CLDN10: variants seen among roughly 807,000 people sequenced by gnomAD.
CLDN10 encodes the protein claudin 10.
CLDN10 carries 15 observed loss-of-function variants against 22.9 expected under a neutral mutation model. That is an observed-to-expected ratio of 0.65 (90% CI 0.44 to 1.01). The LOEUF is 1.01. Ranked by LOEUF, CLDN10 falls within the 50% of genes least tolerant of loss-of-function variation. The pLI is 0.00. For missense variants in CLDN10, 247 were observed against 287.8 expected (o/e 0.86, Z 1.03); for synonymous variants, 114 against 111.4 (o/e 1.02, Z -0.15).
chr13:95,551,525 TA>T (rs35829461), upstream of CLDN10, among the ~76,000 whole-genome samples: 665 of 145,802 alleles, frequency 4.6e-3, 2 homozygotes, highest in Middle Eastern at 0.014. Context: ...CCCATTTGGT[TA>T]AAAAAAAAAA....
chr13:95,504,974 T>A (rs2043023262), intron 1 of CLDN10, among the ~76,000 whole-genome samples: 1 of 152,220 alleles, frequency 6.6e-6, no homozygotes, highest in South Asian at 2.1e-4. Flanking sequence ...ACCTTGAGCT[T>A]TAACCCTGCT....
chr13:95,475,622 TG>T lies in CLDN10; in HGVS notation c.214+41576del, dbSNP rs1400161383. 4.6e-5 allele frequency among the ~76,000 whole-genome samples: 7 copies of T among 152,254 alleles called. No homozygotes were observed. In the East Asian group the frequency reaches 1.4e-3, roughly 29 times the overall value. On this transcript the variant is annotated intron_variant, in intron 1 of 4. Coordinates refer to the CLDN10 transcript ENST00000376873. ...GCCCCAATGGCCTCTGGGCCCCTGG[TG>T]AGGGTGACTGGCTTGGAGCTCCAGG...
At chr13:95,456,442 T>A (rs914457594) in intron 1 of CLDN10, among the ~76,000 whole-genome samples, 6 of 152,116 alleles carry the variant, frequency 3.9e-5, no homozygotes, top group Non-Finnish European at 8.8e-5. Context: ...TATTCAAATA[T>A]GTATTTATTC....
At chr13:95,488,950 C>T (rs982728869) in intron 1 of CLDN10, among the ~76,000 whole-genome samples, 8 of 110,710 alleles carry the variant, frequency 7.2e-5, no homozygotes, top group East Asian at 2.6e-4. Context: ...ACTTTTTGTT[C>T]TTTTTTTTTT....
At chr13:95,516,284 A>G (rs1315725826) in intron 1 of CLDN10, among the ~76,000 whole-genome samples, 2 of 152,166 alleles carry the variant, frequency 1.3e-5, no homozygotes, top group Non-Finnish European at 2.9e-5. Flanking sequence ...TACATCCTAC[A>G]CCTTCAGGCA....
intron 1 of CLDN10, among the ~76,000 whole-genome samples, chr13:95,556,524 G>A (rs575084345): frequency 3.9e-5 from 6 of 152,188 alleles, no homozygotes; most frequent in Admixed American, 1.3e-4. Flanking sequence ...ATAATATGAC[G>A]GGATGCTTTG....
chr13:95,540,754 A>G (rs1402708925), intron 1 of CLDN10, among the ~76,000 whole-genome samples: 1 of 152,220 alleles, frequency 6.6e-6, no homozygotes, highest in Non-Finnish European at 1.5e-5. Context: ...TAGCTTGAGT[A>G]ATTGATATAG....
intron 1 of CLDN10, among the ~76,000 whole-genome samples, chr13:95,478,301 C>G (rs778662074): frequency 6.6e-6 from 1 of 152,098 alleles, no homozygotes; most frequent in Non-Finnish European, 1.5e-5. Context: ...GAGTGAGACT[C>G]TGTCTCAAAA....
intron 1 of CLDN10, among the ~76,000 whole-genome samples, chr13:95,508,997 G>A (rs2043068356): frequency 6.6e-6 from 1 of 152,216 alleles, no homozygotes; most frequent in African/African-American, 2.4e-5. Flanking sequence ...CTTTATCCAT[G>A]TGAGTCTAAT....
intron 3 of CLDN10, among the ~76,000 whole-genome samples, chr13:95,566,887 C>T (rs1192098532): frequency 6.6e-6 from 1 of 152,110 alleles, no homozygotes; most frequent in African/African-American, 2.4e-5. Flanking sequence ...AATTCATTCC[C>T]CATTTCTTGT....
chr13:95,454,233 A>G (rs1415062489), intron 1 of CLDN10, among the ~76,000 whole-genome samples: 15 of 152,160 alleles, frequency 9.9e-5, no homozygotes, highest in Non-Finnish European at 2.1e-4. Flanking sequence ...TGAGGTCAGG[A>G]GTTCAAGACT....
In CLDN10 at chr13:95,540,167, G is replaced by A. The variant is rs564317629; in HGVS notation, c.215-19965G>A. ...ATACAAAAATTAGCCGGGCATGGTG[G>A]TGCATGCCTGTAGTCCCAGCTACTT... On this transcript the variant is annotated intron_variant, in intron 1 of 4. Coordinates refer to the CLDN10 transcript ENST00000376873. Among the ~76,000 whole-genome samples, 432 of 152,186 alleles carry A rather than the reference G, an allele frequency of 2.8e-3. 4 individuals carry two copies. Among genetic ancestry groups the A allele is most frequent in the South Asian group, 0.015 (74 of 4,814 alleles).
rs902864350 is a variant in CLDN10 at position 95,571,011 on chromosome 13, T to C, written c.465-6220T>C. On this transcript the variant is annotated intron_variant, in intron 3 of 4. Coordinates refer to ENST00000299339, the MANE Select transcript of CLDN10 (RefSeq NM_006984.5). The stretch of plus-strand genomic sequence containing the variant: ...TGCAAAAGTAATTGCGTTTTTGTCA[T>C]TGCTTTTAATAGCAAAAACTGCAAT... 4.6e-5 allele frequency among the ~76,000 whole-genome samples: 7 copies of C among 151,800 alleles called. 1 individual carries two copies. The East Asian group carries it at 1.4e-3, about 30-fold the overall frequency.
chr13:95,473,753 T>C (rs528250548), intron 1 of CLDN10, among the ~76,000 whole-genome samples: 1 of 152,302 alleles, frequency 6.6e-6, no homozygotes, highest in South Asian at 2.1e-4. Flanking sequence ...GGCCCTGCTA[T>C]GCTGCTGGTT....
chr13:95,562,388 A>C (rs2043726400), intron 3 of CLDN10, among the ~76,000 whole-genome samples: 1 of 152,210 alleles, frequency 6.6e-6, no homozygotes, highest in Admixed American at 6.5e-5. Flanking sequence ...TATACATTTA[A>C]AAATAGTTTT....
chr13:95,553,003 C>T lies in CLDN10; in HGVS notation c.220+30C>T, dbSNP rs769897829. 7 of 1,610,500 alleles carry T rather than the reference C, an allele frequency of 4.3e-6. No homozygotes were observed. The Admixed American group carries it at 1.0e-4, about 23-fold the overall frequency. On this transcript the variant is annotated intron_variant, in intron 1 of 4. Coordinates refer to ENST00000299339, the MANE Select transcript of CLDN10 (RefSeq NM_006984.5). ...GCATCCCCGCGGCCCCCGCCCTCAG[C>T]CCTCCTTCCTTGATGGCCAGCCCGC...
intron 1 of CLDN10, among the ~76,000 whole-genome samples, chr13:95,526,536 G>A (rs909332215): frequency 6.6e-6 from 1 of 152,136 alleles, no homozygotes; most frequent in East Asian, 1.9e-4. Context: ...TTTAGGCCTG[G>A]CTGCCAATGT....
At chr13:95,440,916 G>A (rs2139064978) in intron 1 of CLDN10, among the ~76,000 whole-genome samples, 1 of 152,336 alleles carries the variant, frequency 6.6e-6, no homozygotes, top group South Asian at 2.1e-4. Context: ...CGGACGACTG[G>A]ACTGGGGATC....
intron 1 of CLDN10, among the ~76,000 whole-genome samples, chr13:95,475,072 GAC>G (rs2042672811): frequency 1.3e-5 from 2 of 152,176 alleles, no homozygotes; most frequent in African/African-American, 4.8e-5. Context: ...AGGAGTCAAG[GAC>G]ACACATGCTG....
Sources: gnomAD v4.1 joint callset for allele counts (sites outside exome capture counted in the v4.1 genomes callset) on GRCh38, gnomAD v4.1.1 for gene constraint, MANE v1.5 for transcripts, NCBI Gene and HGNC (gene_info 2026-07-23, HGNC 2026-07-21) for gene names.